ATRX: variants seen among roughly 807,000 people sequenced by gnomAD.
The protein encoded by ATRX is ATRX chromatin remodeler.
In ATRX, 12 loss-of-function variants were observed where a neutral mutation model predicts 172.6. That is an observed-to-expected ratio of 0.07 (90% CI 0.04 to 0.11). ATRX has a LOEUF of 0.11. Ranked by LOEUF, ATRX falls within the 10% of genes least tolerant of loss-of-function variation. ATRX has a pLI of 1.00. For missense variants in ATRX, 1,368 were observed against 1,767.4 expected, an observed-to-expected ratio of 0.77 and a Z score of 4.05; for synonymous variants, 674 against 594.7, an observed-to-expected ratio of 1.13 and a Z score of -1.94.
chrX:77,532,222 C>T (rs2063601669), intron 30 of ATRX, among the ~76,000 whole-genome samples: 1 of 110,788 alleles, frequency 9.0e-6, no homozygotes, highest in Non-Finnish European at 1.9e-5. Flanking sequence ...AAGTAACTTA[C>T]AGATTCAATG....
At chrX:77,572,787 AT>A (rs2148013931) in intron 28 of ATRX, among the ~76,000 whole-genome samples, 1 of 112,052 alleles carries the variant, frequency 8.9e-6, no homozygotes, top group African/African-American at 3.2e-5. Flanking sequence ...AATCATATAC[AT>A]TTATAATTTA....
chrX:77,766,003 T>C (rs1479010877), intron 1 of ATRX, among the ~76,000 whole-genome samples: 1 of 111,260 alleles, frequency 9.0e-6, no homozygotes, highest in African/African-American at 3.3e-5. Flanking sequence ...AGCACAGGGT[T>C]GGGGGTAAGG....
chrX:77,652,309 TTCC>T lies in ATRX; in HGVS notation c.4359_4361del (p.Glu1464del), dbSNP rs782630348. 71 of 1,202,608 alleles carry T rather than the reference TTCC, an allele frequency of 5.9e-5. No homozygotes were observed. Among genetic ancestry groups the T allele is most frequent in the Middle Eastern group, 2.3e-4 (1 of 4,356 alleles). On this transcript the variant is annotated inframe_deletion, in exon 15 of 35. Coordinates refer to ENST00000373344, the MANE Select transcript of ATRX (RefSeq NM_000489.6). ...CCTCCTCTTCCTCCTCCTCCTCCTCTTCCTCCTCCTCTTCTTTTTCCTCCTCTT... is the reference window on the plus strand; with the variant it reads ...CCTCCTCTTCCTCCTCCTCCTCCTCTTCCTCCTCTTCTTTTTCCTCCTCTT...
chrX:77,716,323 A>AATATATATATATAT (rs1292367303), intron 2 of ATRX, among the ~76,000 whole-genome samples: 3 of 21,024 alleles, frequency 1.4e-4, no homozygotes, highest in Admixed American at 9.7e-4. Context: ...AAAAAAAAAA[A>AATATATATATATAT]ATATATATAT....
intron 1 of ATRX, among the ~76,000 whole-genome samples, chrX:77,779,210 T>C (rs2076483691): frequency 9.5e-6 from 1 of 104,869 alleles, no homozygotes; most frequent in Non-Finnish European, 1.9e-5. Context: ...CCCAAAGTGC[T>C]AGGATTACAG....
chrX:77,730,113 C>T (rs1233636125), intron 1 of ATRX, among the ~76,000 whole-genome samples: 1 of 111,805 alleles, frequency 8.9e-6, no homozygotes, highest in African/African-American at 3.2e-5. Flanking sequence ...AACCTCCTAA[C>T]ATGTGTCCTT....
intron 5 of ATRX, among the ~76,000 whole-genome samples, chrX:77,695,507 G>A (rs1160193883): frequency 1.8e-5 from 2 of 110,921 alleles, no homozygotes; most frequent in Non-Finnish European, 3.8e-5. Context: ...AACACTCCCA[G>A]TGACAACCAC....
chrX:77,724,805 A>G (rs1408938824), intron 1 of ATRX, among the ~76,000 whole-genome samples: 11 of 111,621 alleles, frequency 9.9e-5, no homozygotes, highest in Admixed American at 7.7e-4. Context: ...ATTTGTGTCT[A>G]TAAGTTCTGA....
chrX:77,557,671 C>A, intron 29 of ATRX, 26 bp from the exon 30 acceptor site: 3 of 1,152,699 alleles, frequency 2.6e-6, no homozygotes, highest in Non-Finnish European at 3.5e-6. Context: ...GAAGAATATA[C>A]AAAAAAATAA....
intron 26 of ATRX, among the ~76,000 whole-genome samples, chrX:77,592,892 T>A (rs45506893): frequency 0.011 from 1,218 of 109,100 alleles, 20 homozygotes; most frequent in Admixed American, 0.059. Flanking sequence ...GGCAAAAATG[T>A]TAGAAGTGGA....
intron 2 of ATRX, chrX:77,699,558 A>G (rs1480184045): frequency 1.8e-5 from 2 of 112,186 alleles, no homozygotes; most frequent in African/African-American, 6.5e-5. Context: ...CTGACCAAGA[A>G]AAAAAAGAAA....
rs781904189 is a variant in ATRX at position 77,587,335 on chromosome X, T to A, written c.6217+2499A>T. Among the ~76,000 whole-genome samples the A allele has an allele frequency of 3.6e-5, 4 of 110,419 alleles. No individual in the cohort carries two copies. In the South Asian group the frequency reaches 1.5e-3, roughly 42 times the overall value. On this transcript the variant is annotated intron_variant, in intron 27 of 34. Coordinates refer to ENST00000373344, the MANE Select transcript of ATRX (RefSeq NM_000489.6). The stretch of plus-strand genomic sequence containing the variant: ...GTTTAACATGTGAAAATCAAAGTAA[T>A]ACACTATGTTAATAGAATGGGGAAA...
intron 22 of ATRX, chrX:77,616,106 A>G: frequency 5.1e-6 from 4 of 776,936 alleles, no homozygotes; most frequent in Non-Finnish European, 6.1e-6. Context: ...GAAATAAACT[A>G]GAAGGTCTTC....
At chrX:77,577,085 A>G (rs1602619043) in intron 27 of ATRX, among the ~76,000 whole-genome samples, 1 of 111,960 alleles carries the variant, frequency 8.9e-6, no homozygotes, top group African/African-American at 3.2e-5. Context: ...GGGCGTACAA[A>G]TACAAATACT....
chrX:77,520,754 T>C (rs782063274), intron 34 of ATRX, 34 bp downstream of exon 34: 2 of 1,194,378 alleles, frequency 1.7e-6, no homozygotes, highest in Non-Finnish European at 2.3e-6. Flanking sequence ...AAATTAAACA[T>C]AACCTAGAAA....
At chrX:77,645,787 G>C (rs1323196248) in intron 15 of ATRX, among the ~76,000 whole-genome samples, 3 of 112,262 alleles carry the variant, frequency 2.7e-5, no homozygotes, top group Non-Finnish European at 5.6e-5. Context: ...AATGTAATTT[G>C]TGATATCAAT....
chrX:77,568,159 G>GA lies in ATRX; in HGVS notation c.6326+6090dup, dbSNP rs1159858312. On this transcript the variant is annotated intron_variant, in intron 28 of 34. Transcript: ENST00000373344. The stretch of plus-strand genomic sequence containing the variant: ...CAAAAGCAAGATGAAATTAAAATAG[G>GA]AAAAAAAAAAAAAGAAAAAGAAAAT... 3.9e-3 allele frequency among the ~76,000 whole-genome samples: 353 copies of GA among 90,134 alleles called. 1 individual carries two copies. The highest frequency in any genetic ancestry group is 0.011 in the Middle Eastern group (2 of 175). The allele number at this position is 90,134 out of a possible 115,157, so 78.3% of individuals were successfully genotyped here. A position where few individuals can be genotyped will look rare whatever the true frequency, so the allele number is the denominator to read the frequency against.
chrX:77,705,360 T>G (rs968439599), intron 2 of ATRX, among the ~76,000 whole-genome samples: 1 of 110,001 alleles, frequency 9.1e-6, no homozygotes, highest in African/African-American at 3.3e-5. Flanking sequence ...GAGCTCCAAC[T>G]TGGAAGGGGC....
At position 77,599,558 on chromosome X, in the gene ATRX, C is replaced by T. The variant is rs782222942; in HGVS notation, c.5809G>A (p.Gly1937Arg). The change falls in exon 25 of 35, where the codon GGG (glycine) becomes AGG (arginine). Residue 1937 changes from glycine (G) to arginine (R), a missense_variant. Around this residue, in one of 17 missense-constraint regions of ATRX, gnomAD observed 17 missense variants for 17.7 expected, o/e 0.96. Transcript: ENST00000373344. ...YTKKKKKGKK[G>R]KKDSSSSGSG... Reference sequence around the variant, plus strand: ...CCACTTGAGCTACTATCTTTTTTCCCCTTTTTCCCTTTTTTCTTCTTTCTA... The same window carrying T: ...CCACTTGAGCTACTATCTTTTTTCCTCTTTTTCCCTTTTTTCTTCTTTCTA... 24 of 1,207,298 alleles carry T rather than the reference C, an allele frequency of 2.0e-5. 2 individuals are homozygous for T. The South Asian group carries it at 4.2e-4, about 21-fold the overall frequency.
Sources: allele counts gnomAD v4.1 joint callset (sites outside exome capture counted in the v4.1 genomes callset), GRCh38; gene constraint gnomAD v4.1.1; regional missense constraint gnomAD v4.1.1; transcripts MANE v1.5; gene names NCBI Gene and HGNC (gene_info 2026-07-23, HGNC 2026-07-21).